HSF2: variants seen among roughly 807,000 people sequenced by gnomAD.
The protein encoded by HSF2 is heat shock factor protein 2.
In HSF2, 21 loss-of-function variants were observed where a neutral mutation model predicts 65.0. The ratio of observed to expected loss-of-function variants is 0.32; its 90% CI spans 0.23 to 0.47. HSF2 has a LOEUF of 0.47. HSF2 is among the 20% of genes least tolerant of loss of function. The pLI, the probability that HSF2 is intolerant of heterozygous loss-of-function variation, is 1.00. For missense variants in HSF2, 499 were observed against 628.1 expected, an observed-to-expected ratio of 0.79 and a Z score of 2.20; for synonymous variants, 225 against 219.1, an observed-to-expected ratio of 1.03 and a Z score of -0.24.
chr6:122,409,827 C>T (rs1396813236), intron 1 of HSF2, among the ~76,000 whole-genome samples: 2 of 151,898 alleles, frequency 1.3e-5, no homozygotes, highest in African/African-American at 4.8e-5. Flanking sequence ...TTTATTATGT[C>T]ATGTCTCCAA....
chr6:122,416,375 G>A (rs1293583025), intron 5 of HSF2, 79 bp downstream of exon 5: 2 of 841,186 alleles, frequency 2.4e-6, no homozygotes, highest in African/African-American at 3.4e-5. Flanking sequence ...GGTCTTTATT[G>A]AGTGTCTGTG....
chr6:122,417,801 C>T (rs1179675550), intron 5 of HSF2, among the ~76,000 whole-genome samples: 1 of 151,924 alleles, frequency 6.6e-6, no homozygotes, highest in East Asian at 1.9e-4. Context: ...TAGAATATTC[C>T]CATAACATTT....
chr6:122,417,936 ACT>A (rs1305800389), intron 5 of HSF2, among the ~76,000 whole-genome samples: 1 of 152,080 alleles, frequency 6.6e-6, no homozygotes, highest in Non-Finnish European at 1.5e-5. Context: ...CTTTTCATAG[ACT>A]CTAATACTAT....
rs1411290740 is a variant in HSF2, at chr6:122,412,583, C to A, written c.203-54C>A. 1.9e-6 allele frequency: 3 copies of A among 1,592,234 alleles called. No homozygotes were observed. In the African/African-American group the frequency reaches 4.0e-5, roughly 21 times the overall value. The stretch of plus-strand genomic sequence containing the variant: ...AAAGGAAAATTATTCCATACAAGCA[C>A]CACCAAATTTTGACTTGTTTATTTT... On this transcript the variant is annotated intron_variant, in intron 2 of 12. Coordinates refer to ENST00000368455, the MANE Select transcript of HSF2 (RefSeq NM_004506.4).
chr6:122,423,074 C>A, intron 9 of HSF2, 117 bp downstream of exon 9: 1 of 1,143,728 alleles, frequency 8.7e-7, no homozygotes, highest in South Asian at 1.4e-5. Context: ...GTCCACCTTT[C>A]TCTGTTTTGG....
chr6:122,431,363 A>C, intron 11 of HSF2, 67 bp from the exon 12 acceptor site: 1 of 689,290 alleles, frequency 1.5e-6, no homozygotes, highest in Non-Finnish European at 2.2e-6. Flanking sequence ...TATTGTATCA[A>C]TTTTTCATTT....
chr6:122,406,819 G>A (rs113977346), intron 1 of HSF2, among the ~76,000 whole-genome samples: 1,938 of 152,140 alleles, frequency 0.013, 48 homozygotes, highest in African/African-American at 0.045. Context: ...TCTTAAATTT[G>A]ACCATGCCTA....
intron 8 of HSF2, 24 bp downstream of exon 8, chr6:122,422,322 G>T: frequency 6.6e-7 from 1 of 1,514,474 alleles, no homozygotes; most frequent in Admixed American, 1.9e-5. Context: ...GAGATAAAAT[G>T]TATGAAAATA....
chr6:122,422,293 C>T lies in HSF2; in HGVS notation c.825C>T (p.Pro275=), dbSNP rs368278767. The change falls in exon 8 of 13, where the codon CCC becomes CCT. Residue 275 remains proline, a synonymous_variant. Coordinates refer to ENST00000368455, the MANE Select transcript of HSF2 (RefSeq NM_004506.4). ...CTAATGAGGATGTTATATCTGATCC[C>T]TCCAAGTAAGGAGTTTGTGAGATAA... is the stretch of plus-strand genomic sequence containing the variant. The part of the protein sequence containing the change: ...PETNEDVISD[P]SNCSQYPDIV... The T allele has an allele frequency of 5.4e-5, 86 of 1,594,346 alleles. No individual in the cohort carries two copies. Among genetic ancestry groups the T allele is most frequent in the Non-Finnish European group, 6.8e-5 (79 of 1,165,376 alleles).
rs1773668645 is a variant in HSF2, at chr6:122,399,687, G to GTT, written c.-51_-50insTT. On this transcript the variant is annotated 5_prime_UTR_variant, in exon 1 of 13. Transcript: ENST00000368455. ...AGCTGCTGCCGTAGCTGCCGCCGCC[G>GTT]CTACCACCGCGTTCGGGTGTAGAAT... 6.6e-7 allele frequency: 1 copy of GTT among 1,514,318 alleles called. No individual in the cohort carries two copies. Among genetic ancestry groups the GTT allele is most frequent in the Non-Finnish European group, 9.1e-7 (1 of 1,099,278 alleles). The allele number at this position is 1,514,318 out of a possible 1,614,324, so 93.8% of individuals were successfully genotyped here. A position where few individuals can be genotyped will look rare whatever the true frequency, so the allele number is the denominator to read the frequency against.
intron 8 of HSF2, 91 bp from the exon 9 acceptor site, chr6:122,422,627 T>A: frequency 1.5e-6 from 2 of 1,330,922 alleles, no homozygotes; most frequent in South Asian, 2.5e-5. Context: ...GTATGTGGTA[T>A]GGGGAGAGAG....
chr6:122,405,250 G>A lies in HSF2; in HGVS notation c.93+5420G>A, dbSNP rs145273203. Among the ~76,000 whole-genome samples the A allele has an allele frequency of 3.4e-4, 47 of 136,626 alleles. No homozygotes were observed. The East Asian group carries it at 9.9e-3, about 29-fold the overall frequency. 89.6% of individuals were successfully genotyped at this position (136,626 alleles called of 152,430 possible). On this transcript the variant is annotated intron_variant, in intron 1 of 12. Coordinates refer to ENST00000368455, the MANE Select transcript of HSF2 (RefSeq NM_004506.4). ...GCTTGGGCAACATACTGAGACCCCT[G>A]TCTCTTAAAAAAAAAAAAAAAAAAA...
chr6:122,399,845 C>T lies in HSF2; in HGVS notation c.93+15C>T. ...CCTGGAGCCAGGTACGGTCAGGCCACGGCGGCCTCTGAACCCCCTGAATAA... is the reference window on the plus strand; with the variant it reads ...CCTGGAGCCAGGTACGGTCAGGCCATGGCGGCCTCTGAACCCCCTGAATAA... On this transcript the variant is annotated intron_variant, in intron 1 of 12. Coordinates refer to ENST00000368455, the MANE Select transcript of HSF2 (RefSeq NM_004506.4). 3.1e-6 allele frequency: 5 copies of T among 1,599,812 alleles called. No homozygotes were observed. Among genetic ancestry groups the T allele is most frequent in the Non-Finnish European group, 3.4e-6 (4 of 1,168,296 alleles).
At chr6:122,410,282 A>G (rs1773960974) in intron 1 of HSF2, among the ~76,000 whole-genome samples, 1 of 151,748 alleles carries the variant, frequency 6.6e-6, no homozygotes, top group South Asian at 2.1e-4. Context: ...ACAATACTGC[A>G]TTTGTCTTCC....
chr6:122,423,864 A>G (rs556439), intron 10 of HSF2, among the ~76,000 whole-genome samples, 178 bp downstream of exon 10: 106,706 of 151,970 alleles, frequency 0.7, 37,588 homozygotes, highest in South Asian at 0.77. Context: ...TTGAAGGAGT[A>G]TGATTACCAC....
intron 3 of HSF2, 113 bp from the exon 4 acceptor site, chr6:122,413,412 A>T: frequency 1.4e-6 from 1 of 708,148 alleles, no homozygotes; most frequent in Non-Finnish European, 2.3e-6. Context: ...GGCTTTTGGA[A>T]CCAGATCTCA....
chr6:122,399,884 C>G (rs1175258759), intron 1 of HSF2, 54 bp downstream of exon 1: 49 of 1,314,588 alleles, frequency 3.7e-5, no homozygotes, highest in Non-Finnish European at 5.1e-5. Context: ...CCTCCTCACT[C>G]GCTCTCCTGC....
intron 5 of HSF2, among the ~76,000 whole-genome samples, chr6:122,416,510 C>A (rs910018830): frequency 2.0e-5 from 3 of 152,160 alleles, no homozygotes; most frequent in Admixed American, 2.0e-4. Flanking sequence ...ATTCCATACT[C>A]GCAGATAATG....
At chr6:122,423,745 TA>T in intron 10 of HSF2, 59 bp downstream of exon 10, 1 of 877,032 alleles carries the variant, frequency 1.1e-6, no homozygotes, top group Admixed American at 2.2e-5. Flanking sequence ...GTATATTATT[TA>T]AAAACCAGTA....
Sources: allele counts gnomAD v4.1 joint callset (sites outside exome capture counted in the v4.1 genomes callset), GRCh38; gene constraint gnomAD v4.1.1; transcripts MANE v1.5; gene names NCBI Gene and HGNC (gene_info 2026-07-23, HGNC 2026-07-21).